RIMS3: variants seen among roughly 807,000 people sequenced by gnomAD.
The protein encoded by RIMS3 is regulating synaptic membrane exocytosis protein 3.
Under a neutral mutation model 29.2 loss-of-function variants are expected in RIMS3, and 15 were observed. The observed-to-expected ratio is 0.51, with a 90% CI of 0.34 to 0.79. The LOEUF (loss-of-function observed/expected upper bound fraction) is 0.79. Among genes scored for constraint, RIMS3 ranks in the 30% least tolerant of loss-of-function variants. The pLI is 0.01. For missense variants in RIMS3, 342 were observed against 421.4 expected (o/e 0.81, Z 1.65); for synonymous variants, 161 against 170.1 (o/e 0.95, Z 0.41).
chr1:40,687,574 C>G, the RIMS3 span: 1 of 149,192 alleles, frequency 6.7e-6, no homozygotes, highest in Middle Eastern at 3.4e-3. Context: ...TGCACTGCAG[C>G]CCCGGCAACA....
chr1:40,660,830 G>A (rs1642341661), intron 1 of RIMS3, among the ~76,000 whole-genome samples: 1 of 152,118 alleles, frequency 6.6e-6, no homozygotes, highest in South Asian at 2.1e-4. Context: ...GTAGCAGCAG[G>A]ACCTAGGGGC....
chr1:40,653,409 C>T (rs1457699657), intron 1 of RIMS3, among the ~76,000 whole-genome samples: 6 of 152,252 alleles, frequency 3.9e-5, no homozygotes, highest in African/African-American at 1.4e-4. Context: ...GGAAGGCCTA[C>T]AACACCCTGA....
At chr1:40,658,485 C>G (rs190084067) in intron 1 of RIMS3, among the ~76,000 whole-genome samples, 1 of 152,332 alleles carries the variant, frequency 6.6e-6, no homozygotes, top group East Asian at 1.9e-4. Context: ...GAAGATCCCC[C>G]TTCTCTGAGC....
chr1:40,686,648 C>T, the RIMS3 span, among the ~76,000 whole-genome samples: 1 of 152,190 alleles, frequency 6.6e-6, no homozygotes, highest in East Asian at 1.9e-4. Context: ...CAGAATGAGA[C>T]TCCGTCTCAA....
At chr1:40,691,147 A>T in the RIMS3 span, 1 of 152,340 alleles carries the variant, frequency 6.6e-6, no homozygotes, top group African/African-American at 2.4e-5. Context: ...TCTGCATTCA[A>T]ATAAGAACAA....
chr1:40,679,890 AT>A, the RIMS3 span, among the ~76,000 whole-genome samples: 668 of 142,134 alleles, frequency 4.7e-3, 1 homozygote, highest in South Asian at 0.011. Flanking sequence ...GATGACTAGA[AT>A]TTTTTTTTTT....
chr1:40,629,412 C>T (rs1557665164), intron 5 of RIMS3, 40 bp from the exon 6 acceptor site: 1 of 1,540,768 alleles, frequency 6.5e-7, no homozygotes, highest in African/African-American at 1.4e-5. Context: ...AGGGCCAGAC[C>T]AAGGGGCAGG....
the RIMS3 span, chr1:40,690,438 A>T: frequency 6.6e-6 from 1 of 151,884 alleles, no homozygotes; most frequent in Non-Finnish European, 1.5e-5. Context: ...CGTAGCTCTT[A>T]CCAGTAACTT....
chr1:40,663,887 A>G (rs1385228037), intron 1 of RIMS3, among the ~76,000 whole-genome samples: 1 of 152,192 alleles, frequency 6.6e-6, no homozygotes, highest in Non-Finnish European at 1.5e-5. Context: ...CCTGAGTGCC[A>G]GGCACTGTGC....
At chr1:40,652,069 G>C (rs956703187) in intron 1 of RIMS3, among the ~76,000 whole-genome samples, 4 of 152,082 alleles carry the variant, frequency 2.6e-5, no homozygotes, top group Non-Finnish European at 5.9e-5. Context: ...GGTGGGAAAG[G>C]GCCAGCCAGG....
In RIMS3 at chr1:40,641,716, C is replaced by T. The variant is rs202021668; in HGVS notation, c.210G>A (p.Pro70=). 2.1e-5 allele frequency: 34 copies of T among 1,613,742 alleles called. No individual in the cohort carries two copies. Among genetic ancestry groups the T allele is most frequent in the Non-Finnish European group, 2.6e-5 (31 of 1,179,788 alleles). The stretch of plus-strand genomic sequence containing the variant: ...TGTCCCATGCCCCCTCACCAGGCTG[C>T]GGAAGCTGGAGTGTGCTCTTGCTCC... The part of the protein sequence containing the change: ...TQWSKSTLQL[P]QPEGATKKLR... Residue 70 remains proline, a synonymous_variant, in exon 3 of 8, where the codon CCG becomes CCA. Transcript: ENST00000372684.
chr1:40,646,058 G>A (rs1050545760), intron 2 of RIMS3, among the ~76,000 whole-genome samples: 1 of 152,166 alleles, frequency 6.6e-6, no homozygotes, highest in African/African-American at 2.4e-5. Flanking sequence ...TGTGGGATTC[G>A]AACGTGAACA....
chr1:40,637,339 G>C (rs1457576863), intron 3 of RIMS3, among the ~76,000 whole-genome samples: 1 of 152,164 alleles, frequency 6.6e-6, no homozygotes, highest in African/African-American at 2.4e-5. Flanking sequence ...AGAGGTCTAG[G>C]ATCACTAGTG....
chr1:40,647,082 T>C (rs1646600915), intron 2 of RIMS3, among the ~76,000 whole-genome samples: 1 of 152,060 alleles, frequency 6.6e-6, no homozygotes, highest in Admixed American at 6.5e-5. Flanking sequence ...GGTTTTGCCA[T>C]ATTGGCCAGG....
At chr1:40,629,178 C>A (rs1208958175) in intron 6 of RIMS3, 93 bp downstream of exon 6, 1 of 1,214,058 alleles carries the variant, frequency 8.2e-7, no homozygotes, top group African/African-American at 1.5e-5. Context: ...GTAAAGAATC[C>A]CGATTTAGGC....
At chr1:40,651,461 TTG>T (rs1646631724) in intron 1 of RIMS3, among the ~76,000 whole-genome samples, 1 of 152,234 alleles carries the variant, frequency 6.6e-6, no homozygotes, top group African/African-American at 2.4e-5. Context: ...GATTTTAGAC[TTG>T]TAGCCTTCAG....
At chr1:40,665,837 C>T (rs1642418748), upstream of RIMS3, among the ~76,000 whole-genome samples, 1 of 152,184 alleles carries the variant, frequency 6.6e-6, no homozygotes, top group South Asian at 2.1e-4. Context: ...GGGGGACCTA[C>T]ATTAATGAGG....
At chr1:40,668,830 C>A (rs1006357724), upstream of RIMS3, among the ~76,000 whole-genome samples, 9 of 152,096 alleles carry the variant, frequency 5.9e-5, no homozygotes, top group Admixed American at 3.9e-4. Context: ...CCTACCCTGT[C>A]CCCTCCTGCC....
At chr1:40,638,900 G>A (rs1646538247) in intron 3 of RIMS3, among the ~76,000 whole-genome samples, 1 of 152,236 alleles carries the variant, frequency 6.6e-6, no homozygotes, top group Non-Finnish European at 1.5e-5. Flanking sequence ...GAGTTACAGA[G>A]CCAGGACTAG....
Sources: allele counts gnomAD v4.1 joint callset (sites outside exome capture counted in the v4.1 genomes callset), GRCh38; gene constraint gnomAD v4.1.1; transcripts MANE v1.5; gene names NCBI Gene and HGNC (gene_info 2026-07-23, HGNC 2026-07-21).